The following PDSS2 variants were observed in gnomAD, a reference collection of about 807,000 sequenced individuals.
The protein encoded by PDSS2 is all trans-polyprenyl-diphosphate synthase PDSS2.
Under a neutral mutation model 44.5 loss-of-function variants are expected in PDSS2, and 31 were observed. The ratio of observed to expected loss-of-function variants is 0.70; its 90% CI spans 0.52 to 0.94. The LOEUF is 0.94. PDSS2 is among the 40% of genes least tolerant of loss of function. PDSS2 has a pLI of 0.00. For missense variants in PDSS2, 452 were observed against 482.2 expected, an observed-to-expected ratio of 0.94 and a Z score of 0.59; for synonymous variants, 157 against 180.3, an observed-to-expected ratio of 0.87 and a Z score of 1.03.
At chr6:107,354,933 T>C (rs948358601) in intron 1 of PDSS2, among the ~76,000 whole-genome samples, 3 of 152,030 alleles carry the variant, frequency 2.0e-5, no homozygotes, top group African/African-American at 7.2e-5. Context: ...AGCACTTTTT[T>C]CTATTTTTTT....
chr6:107,385,436 G>A (rs559893299), intron 1 of PDSS2, among the ~76,000 whole-genome samples: 68 of 152,222 alleles, frequency 4.5e-4, no homozygotes, highest in Non-Finnish European at 6.5e-4. Context: ...AATGAGGTAC[G>A]CTGGTTAATA....
intron 1 of PDSS2, among the ~76,000 whole-genome samples, chr6:107,388,239 T>C (rs942511762): frequency 2.0e-5 from 3 of 152,198 alleles, no homozygotes; most frequent in Non-Finnish European, 4.4e-5. Context: ...AAAAGGACAC[T>C]ATTAAAAATT....
intron 7 of PDSS2, among the ~76,000 whole-genome samples, chr6:107,186,347 G>A (rs1772163296): frequency 1.3e-5 from 2 of 152,122 alleles, no homozygotes; most frequent in Non-Finnish European, 2.9e-5. Flanking sequence ...CATGTTGAAG[G>A]TCCAGTTGAG....
intron 6 of PDSS2, among the ~76,000 whole-genome samples, chr6:107,207,893 A>G (rs907413971): frequency 6.6e-6 from 1 of 150,954 alleles, no homozygotes; most frequent in Admixed American, 6.6e-5. Flanking sequence ...TACAGGCATG[A>G]GCCACCATGT....
chr6:107,267,588 C>CTT lies in PDSS2; in HGVS notation c.630+6439_630+6440dup, dbSNP rs55860139. On this transcript the variant is annotated intron_variant, in intron 3 of 7. Coordinates refer to ENST00000369037, the MANE Select transcript of PDSS2 (RefSeq NM_020381.4). ...TGGAGAGAGACATCAGATTCTCTTT[C>CTT]TTTTTTTTTTTTTTTTTTGAGACAG... Among the ~76,000 whole-genome samples, 737 of 132,354 alleles carry CTT rather than the reference C, an allele frequency of 5.6e-3. 4 individuals are homozygous for CTT. Among genetic ancestry groups the CTT allele is most frequent in the Non-Finnish European group, 8.2e-3 (507 of 61,466 alleles). The allele number at this position is 132,354 out of a possible 152,430, so 86.8% of individuals were successfully genotyped here.
intron 4 of PDSS2, among the ~76,000 whole-genome samples, chr6:107,223,582 C>T (rs1217989500): frequency 6.6e-6 from 1 of 150,904 alleles, no homozygotes; most frequent in Non-Finnish European, 1.5e-5. Context: ...CATGATGGTA[C>T]ATGCTTGTGG....
At chr6:107,449,247 T>C (rs1017937679) in intron 1 of PDSS2, among the ~76,000 whole-genome samples, 1 of 152,230 alleles carries the variant, frequency 6.6e-6, no homozygotes, top group Non-Finnish European at 1.5e-5. Context: ...GTTATATAAA[T>C]GGAATCAGAC....
At chr6:107,310,531 A>G (rs1777011154) in intron 2 of PDSS2, among the ~76,000 whole-genome samples, 1 of 152,146 alleles carries the variant, frequency 6.6e-6, no homozygotes, top group Non-Finnish European at 1.5e-5. Context: ...TCACTTTCCC[A>G]TAACTGGTTT....
intron 7 of PDSS2, among the ~76,000 whole-genome samples, chr6:107,179,672 C>T (rs531438068): frequency 6.6e-6 from 1 of 152,260 alleles, no homozygotes; most frequent in South Asian, 2.1e-4. Flanking sequence ...CTGAGCTATG[C>T]TGCAGGTCCC....
chr6:107,427,593 C>T (rs1781046878), intron 1 of PDSS2, among the ~76,000 whole-genome samples: 2 of 152,252 alleles, frequency 1.3e-5, no homozygotes, highest in South Asian at 4.1e-4. Context: ...GCTATATTAC[C>T]TAAATAATTC....
In PDSS2 at chr6:107,431,903, C is replaced by T. The variant is rs1781204987; in HGVS notation, c.296+27087G>A. Among the ~76,000 whole-genome samples the T allele has an allele frequency of 2.0e-5, 3 of 152,182 alleles. No individual in the cohort carries two copies. The South Asian group carries it at 6.2e-4, about 32-fold the overall frequency. ...ACAAGGCTTAAGGAATTCTGTAGTT[C>T]ACATAGCTAGGAAATGGCAGTCTTG... On this transcript the variant is annotated intron_variant, in intron 1 of 7. Coordinates refer to ENST00000369037, the MANE Select transcript of PDSS2 (RefSeq NM_020381.4).
chr6:107,268,626 C>G (rs1185031085), intron 3 of PDSS2, among the ~76,000 whole-genome samples: 2 of 152,074 alleles, frequency 1.3e-5, no homozygotes, highest in Non-Finnish European at 2.9e-5. Context: ...TTAGACATAT[C>G]TGTCTCTAAT....
At chr6:107,357,695 C>T (rs1332490434) in intron 1 of PDSS2, among the ~76,000 whole-genome samples, 1 of 152,108 alleles carries the variant, frequency 6.6e-6, no homozygotes, top group Non-Finnish European at 1.5e-5. Context: ...TTTTATACTA[C>T]TTATTTTGAA....
intron 3 of PDSS2, among the ~76,000 whole-genome samples, chr6:107,272,819 T>C (rs1267178219): frequency 6.6e-6 from 1 of 152,106 alleles, no homozygotes; most frequent in Non-Finnish European, 1.5e-5. Context: ...TCTGTCTCTA[T>C]AAAAAATTTA....
intron 7 of PDSS2, among the ~76,000 whole-genome samples, chr6:107,155,041 C>T (rs1178285592): frequency 2.6e-5 from 4 of 152,102 alleles, no homozygotes; most frequent in African/African-American, 9.7e-5. Context: ...TGACTCCCAT[C>T]CCTTAATATC....
intron 2 of PDSS2, among the ~76,000 whole-genome samples, chr6:107,297,303 C>A (rs1776539694): frequency 6.6e-6 from 1 of 152,036 alleles, no homozygotes; most frequent in Non-Finnish European, 1.5e-5. Flanking sequence ...GGTACATATA[C>A]AATATCCCTC....
chr6:107,249,059 G>A (rs999300777), intron 3 of PDSS2, among the ~76,000 whole-genome samples: 8 of 152,168 alleles, frequency 5.3e-5, no homozygotes, highest in Non-Finnish European at 1.2e-4. Context: ...TCTAATGCTT[G>A]GAAATGATTT....
intron 1 of PDSS2, among the ~76,000 whole-genome samples, chr6:107,449,130 C>A (rs189668005): frequency 7.1e-4 from 108 of 152,332 alleles, no homozygotes; most frequent in African/African-American, 2.5e-3. Context: ...CCACAATATT[C>A]CTCTTTGTAT....
chr6:107,455,863 G>A (rs2114881830), intron 1 of PDSS2, among the ~76,000 whole-genome samples: 1 of 151,434 alleles, frequency 6.6e-6, no homozygotes. Context: ...AGTATAAACT[G>A]GTACATTCAC....
Sources: gnomAD v4.1 joint callset for allele counts (sites outside exome capture counted in the v4.1 genomes callset) on GRCh38, gnomAD v4.1.1 for gene constraint, MANE v1.5 for transcripts, NCBI Gene and HGNC (gene_info 2026-07-23, HGNC 2026-07-21) for gene names.